Variants in PFDN1 observed in about 807,000 individuals in gnomAD.
PFDN1 encodes the protein prefoldin subunit 1, also known as prefoldin 1.
A neutral mutation model predicts 17.3 loss-of-function variants in PFDN1; 6 were observed. That is an observed-to-expected ratio of 0.35 (90% CI 0.19 to 0.69). PFDN1 has a LOEUF of 0.69. Among genes scored for constraint, PFDN1 ranks in the 30% least tolerant of loss-of-function variants. PFDN1 has a pLI of 0.65. For missense variants in PFDN1, 113 were observed against 146.2 expected (o/e 0.77, Z 1.17); for synonymous variants, 58 against 50.1 (o/e 1.16, Z -0.67).
chr5:140,254,551 A>G lies in PFDN1; in HGVS notation c.286-8494T>C, dbSNP rs951999444. On this transcript the variant is annotated intron_variant, in intron 3 of 3. Transcript: ENST00000261813. This position sits in a 1 kb window ranked among gnomAD's most constrained non-coding sequence, Gnocchi z 4.4. ...CTGTCTCCCTCTCCACCACAGCTGT[A>G]CCATTCAAGGTGACTTCAACAAGAA... Among the ~76,000 whole-genome samples, 13 of 152,108 alleles carry G rather than the reference A, an allele frequency of 8.5e-5. No individual in the cohort carries two copies. Among genetic ancestry groups the G allele is most frequent in the African/African-American group, 3.1e-4 (13 of 41,408 alleles).
chr5:140,269,107 G>A (rs1765170756), intron 3 of PFDN1, among the ~76,000 whole-genome samples: 2 of 152,018 alleles, frequency 1.3e-5, no homozygotes, highest in Non-Finnish European at 2.9e-5. Flanking sequence ...CAATCACCTG[G>A]GCTCAAGCAA....
chr5:140,257,865 T>C (rs1406004620), intron 3 of PFDN1, among the ~76,000 whole-genome samples: 1 of 152,174 alleles, frequency 6.6e-6, no homozygotes, highest in African/African-American at 2.4e-5. Context: ...AGGGAAACCA[T>C]GGTCTTCGAT....
chr5:140,278,910 G>C (rs1226561200), intron 3 of PFDN1, among the ~76,000 whole-genome samples: 1 of 152,184 alleles, frequency 6.6e-6, no homozygotes, highest in Middle Eastern at 3.2e-3. Context: ...AGAGAAGAGA[G>C]GGGAGTATAC....
intron 1 of PFDN1, among the ~76,000 whole-genome samples, chr5:140,301,725 A>C (rs1303553486): frequency 6.6e-6 from 1 of 152,240 alleles, no homozygotes; most frequent in Non-Finnish European, 1.5e-5. Flanking sequence ...GCAAGTTTCA[A>C]ATGTAGCAAT....
chr5:140,245,903 T>G lies in PFDN1; in HGVS notation c.*71A>C, dbSNP rs1764822057. ...CCATCGGGGCAGAGGAGAAGCTGTT[T>G]CCCTGCAGACACTCCTCTGCCCCCA... On this transcript the variant is annotated 3_prime_UTR_variant, in exon 4 of 4. Transcript: ENST00000261813. 2.4e-6 allele frequency: 2 copies of G among 846,414 alleles called. No homozygotes were observed. Among genetic ancestry groups the G allele is most frequent in the Non-Finnish European group, 3.9e-6 (2 of 506,712 alleles). 52.4% of individuals were successfully genotyped at this position (846,414 alleles called of 1,614,324 possible). A position where few individuals can be genotyped will look rare whatever the true frequency, so the allele number is the denominator to read the frequency against.
At chr5:140,275,280 G>A (rs1314952301) in intron 3 of PFDN1, among the ~76,000 whole-genome samples, 1 of 151,936 alleles carries the variant, frequency 6.6e-6, no homozygotes, top group Admixed American at 6.6e-5. Context: ...ATGGCGGGGT[G>A]TGCCTGTAGT....
At chr5:140,270,382 A>T (rs1216693322) in intron 3 of PFDN1, among the ~76,000 whole-genome samples, 1 of 152,196 alleles carries the variant, frequency 6.6e-6, no homozygotes, top group African/African-American at 2.4e-5. Flanking sequence ...ATGGGGACAG[A>T]TAAGTATTCC....
rs920643582 is a variant in PFDN1, at chr5:140,272,370, T to C, written c.285+9079A>G. ...TCCATAGGTGGTAAAACCATTTTTT[T>C]TTTTTTTTGAGACAGAGTCTTGCTC... is the stretch of plus-strand genomic sequence containing the variant. On this transcript the variant is annotated intron_variant, in intron 3 of 3. Transcript: ENST00000261813. Among the ~76,000 whole-genome samples the C allele has an allele frequency of 2.1e-4, 31 of 149,558 alleles. 1 individual carries two copies. Among genetic ancestry groups the C allele is most frequent in the Admixed American group, 1.2e-3 (18 of 14,958 alleles).
chr5:140,269,645 T>A (rs1358922175), intron 3 of PFDN1, among the ~76,000 whole-genome samples: 2 of 152,110 alleles, frequency 1.3e-5, no homozygotes, highest in African/African-American at 4.8e-5. Context: ...AAGACAATGA[T>A]CTGGACAAAG....
chr5:140,296,720 C>A (rs1444802730), intron 2 of PFDN1, among the ~76,000 whole-genome samples: 1 of 152,222 alleles, frequency 6.6e-6, no homozygotes, highest in African/African-American at 2.4e-5. Context: ...TGCTACTACT[C>A]TTCTACCCTC....
chr5:140,292,964 C>G (rs1192004184), intron 2 of PFDN1: 3 of 152,058 alleles, frequency 2.0e-5, no homozygotes, highest in Non-Finnish European at 4.4e-5. Context: ...TGTTCCTTGA[C>G]ATGAACATTT....
rs1367516594 is a variant in PFDN1, at chr5:140,249,832, GGTACCAAGCCATACACAA to G, written c.286-3793_286-3776del. ...CATGAGAACTCACTCCCATGAGAATGGTACCAAGCCATACACAAGAAACCCGCCCCCATAATCCAAACA... is the reference window on the plus strand; with the variant it reads ...CATGAGAACTCACTCCCATGAGAATGGAAACCCGCCCCCATAATCCAAACA... On this transcript the variant is annotated intron_variant, in intron 3 of 3. Transcript: ENST00000261813. Among the ~76,000 whole-genome samples the G allele has an allele frequency of 2.6e-5, 4 of 152,084 alleles. No homozygotes were observed. In the East Asian group the frequency reaches 7.7e-4, roughly 29 times the overall value.
intron 1 of PFDN1, 40 bp downstream of exon 1, chr5:140,303,001 C>T: frequency 6.8e-7 from 1 of 1,468,306 alleles, no homozygotes; most frequent in Non-Finnish European, 9.6e-7. Flanking sequence ...CCCTCAGCCT[C>T]CAAAAAGAAG....
intron 2 of PFDN1, among the ~76,000 whole-genome samples, chr5:140,287,322 T>A (rs950166415): frequency 1.1e-4 from 16 of 152,214 alleles, no homozygotes; most frequent in African/African-American, 3.9e-4. Context: ...AAACTCACAA[T>A]CAGCTTAGTA....
At chr5:140,253,853 C>T (rs1764950504) in intron 3 of PFDN1, among the ~76,000 whole-genome samples, 1 of 152,234 alleles carries the variant, frequency 6.6e-6, no homozygotes, top group South Asian at 2.1e-4. Context: ...CTCCCAGCAG[C>T]ATCGGGATCA....
At chr5:140,282,215 AAAG>A (rs959657560) in intron 2 of PFDN1, among the ~76,000 whole-genome samples, 4 of 151,366 alleles carry the variant, frequency 2.6e-5, no homozygotes, top group African/African-American at 9.7e-5. Flanking sequence ...AAAAAAAAGA[AAAG>A]AAAATCAGGC....
intron 2 of PFDN1, among the ~76,000 whole-genome samples, chr5:140,300,139 A>C (rs1765720170): frequency 6.6e-6 from 1 of 150,938 alleles, no homozygotes; most frequent in Non-Finnish European, 1.5e-5. Context: ...TCCGGGGTTC[A>C]AGCGACTCTC....
At chr5:140,281,396 T>G in intron 3 of PFDN1, 53 bp downstream of exon 3, 3 of 775,490 alleles carry the variant, frequency 3.9e-6, no homozygotes, top group Non-Finnish European at 4.6e-6. Context: ...TATGACACAA[T>G]AAGATTACTA....
In PFDN1 at chr5:140,276,323, C is replaced by T. The variant is rs190057421; in HGVS notation, c.285+5126G>A. Among the ~76,000 whole-genome samples, 110 of 152,196 alleles carry T rather than the reference C, an allele frequency of 7.2e-4. No individual in the cohort carries two copies. In the Middle Eastern group the frequency reaches 0.02, roughly 28 times the overall value. On this transcript the variant is annotated intron_variant, in intron 3 of 3. Coordinates refer to ENST00000261813, the MANE Select transcript of PFDN1 (RefSeq NM_002622.5). ...GAGAACACAAGAAAGAAGCAGCTAA[C>T]TTAAGACTGAGGAATCAGAAAATGG...
Sources: allele counts gnomAD v4.1 joint callset (sites outside exome capture counted in the v4.1 genomes callset), GRCh38; gene constraint gnomAD v4.1.1; non-coding constraint Gnocchi (gnomAD v3.1); transcripts MANE v1.5; gene names NCBI Gene and HGNC (gene_info 2026-07-23, HGNC 2026-07-21).